Variants in NMNAT3 observed in about 807,000 individuals in gnomAD.
The protein encoded by NMNAT3 is nicotinamide/nicotinic acid mononucleotide adenylyltransferase 3.
A neutral mutation model predicts 24.8 loss-of-function variants in NMNAT3; 21 were observed. The observed-to-expected ratio is 0.85, with a 90% CI of 0.60 to 1.22. The LOEUF (loss-of-function observed/expected upper bound fraction) is 1.22. Ranked by LOEUF, NMNAT3 falls within the 50% of genes most tolerant of loss-of-function variation. The pLI, the probability that NMNAT3 is intolerant of heterozygous loss-of-function variation, is 0.00. For synonymous variants in NMNAT3, 136 were observed against 155.2 expected, an observed-to-expected ratio of 0.88 and a Z score of 0.92; for missense variants, 387 against 436.6, an observed-to-expected ratio of 0.89 and a Z score of 1.01.
chr3:139,622,804 T>A (rs2055856035), intron 3 of NMNAT3, among the ~76,000 whole-genome samples: 1 of 142,676 alleles, frequency 7.0e-6, no homozygotes, highest in Admixed American at 7.3e-5. Flanking sequence ...ATATATGATA[T>A]ATATATAAAA....
intron 3 of NMNAT3, among the ~76,000 whole-genome samples, chr3:139,615,081 C>G (rs72973979): frequency 0.034 from 5,245 of 152,120 alleles, 290 homozygotes; most frequent in African/African-American, 0.12. Context: ...GTTATAATCC[C>G]TTATTATTTG....
intron 3 of NMNAT3, among the ~76,000 whole-genome samples, chr3:139,614,852 A>T (rs953412357): frequency 1.3e-5 from 2 of 152,206 alleles, no homozygotes; most frequent in African/African-American, 4.8e-5. Context: ...TGTTATTTCA[A>T]CCTGCTAGTA....
chr3:139,616,659 C>A (rs1056137799), intron 3 of NMNAT3, among the ~76,000 whole-genome samples: 1 of 152,084 alleles, frequency 6.6e-6, no homozygotes. Context: ...TCAATTTTAC[C>A]TTCTAATTAT....
intron 1 of NMNAT3, among the ~76,000 whole-genome samples, chr3:139,668,152 A>G (rs1391716196): frequency 1.3e-5 from 2 of 152,192 alleles, no homozygotes; most frequent in Non-Finnish European, 2.9e-5. Flanking sequence ...AGAGAAGTCA[A>G]AGAAGAAACA....
At chr3:139,585,374 ACTTT>A (rs1262454149) in intron 3 of NMNAT3, among the ~76,000 whole-genome samples, 1 of 152,016 alleles carries the variant, frequency 6.6e-6, no homozygotes, top group Non-Finnish European at 1.5e-5. Context: ...AAATCTGGTG[ACTTT>A]CTATAGTTTC....
chr3:139,588,662 C>T (rs561371293), intron 3 of NMNAT3, among the ~76,000 whole-genome samples: 101 of 152,178 alleles, frequency 6.6e-4, no homozygotes, highest in African/African-American at 2.4e-3. Flanking sequence ...ACAGGAGGGC[C>T]AGTTGAGAGT....
intron 3 of NMNAT3, among the ~76,000 whole-genome samples, chr3:139,592,006 C>T (rs970415044): frequency 6.6e-6 from 1 of 152,106 alleles, no homozygotes; most frequent in African/African-American, 2.4e-5. Flanking sequence ...AGGCTTCAGA[C>T]AATCAAATTA....
At chr3:139,638,331 C>A (rs1484715746) in intron 1 of NMNAT3, among the ~76,000 whole-genome samples, 1 of 152,184 alleles carries the variant, frequency 6.6e-6, no homozygotes, top group African/African-American at 2.4e-5. Flanking sequence ...TTTGATTCCT[C>A]TATTCTCTCC....
At chr3:139,632,226 A>G (rs2056329359) in intron 2 of NMNAT3, among the ~76,000 whole-genome samples, 1 of 152,128 alleles carries the variant, frequency 6.6e-6, no homozygotes, top group Non-Finnish European at 1.5e-5. Flanking sequence ...TGTCCCAGTC[A>G]ATGGAATGAG....
intron 2 of NMNAT3, among the ~76,000 whole-genome samples, chr3:139,633,648 A>AT (rs1480731651): frequency 6.6e-6 from 1 of 152,128 alleles, no homozygotes; most frequent in Non-Finnish European, 1.5e-5. Flanking sequence ...AAGATAGTGA[A>AT]TACTGTGTCA....
chr3:139,587,080 C>T (rs1440297416), intron 3 of NMNAT3, among the ~76,000 whole-genome samples: 1 of 152,172 alleles, frequency 6.6e-6, no homozygotes, highest in African/African-American at 2.4e-5. Flanking sequence ...TCTGGAAGAC[C>T]ACCTTGCATT....
At chr3:139,592,991 G>A (rs2054271098) in intron 3 of NMNAT3, among the ~76,000 whole-genome samples, 1 of 152,112 alleles carries the variant, frequency 6.6e-6, no homozygotes, top group Non-Finnish European at 1.5e-5. Context: ...AATGTAAATG[G>A]ACTAAATGCT....
At chr3:139,615,974 A>G (rs540708395) in intron 3 of NMNAT3, among the ~76,000 whole-genome samples, 1 of 152,206 alleles carries the variant, frequency 6.6e-6, no homozygotes, top group African/African-American at 2.4e-5. Context: ...ATGACAAATA[A>G]TCTCTCCTTG....
chr3:139,646,630 A>G (rs1473420388), intron 1 of NMNAT3, among the ~76,000 whole-genome samples: 1 of 152,220 alleles, frequency 6.6e-6, no homozygotes, highest in Non-Finnish European at 1.5e-5. Context: ...CAATGGCCAA[A>G]GGGAGTTCTG....
chr3:139,660,191 G>A (rs948937819), intron 1 of NMNAT3, among the ~76,000 whole-genome samples: 5 of 152,138 alleles, frequency 3.3e-5, no homozygotes, highest in African/African-American at 1.2e-4. Context: ...GGTGCCAAGC[G>A]GTGAGCAGCT....
At chr3:139,661,950 A>AT (rs537044128) in intron 1 of NMNAT3, among the ~76,000 whole-genome samples, 9 of 150,040 alleles carry the variant, frequency 6.0e-5, no homozygotes, top group East Asian at 3.9e-4. Flanking sequence ...ACATCAGTGT[A>AT]TTTTTTTTTT....
chr3:139,593,973 G>A (rs573742658), intron 3 of NMNAT3, among the ~76,000 whole-genome samples: 1 of 150,958 alleles, frequency 6.6e-6, no homozygotes, highest in East Asian at 1.9e-4. Context: ...GAGCAGAACT[G>A]AAGGAAATAG....
intron 5 of NMNAT3, chr3:139,577,967 G>C (rs1342040551): frequency 6.6e-6 from 1 of 152,186 alleles, no homozygotes; most frequent in Non-Finnish European, 1.5e-5. Context: ...AACACATTAT[G>C]AACAGGCCTG....
intron 2 of NMNAT3, among the ~76,000 whole-genome samples, chr3:139,630,813 G>A (rs1398149411): frequency 6.6e-6 from 1 of 152,158 alleles, no homozygotes; most frequent in African/African-American, 2.4e-5. Context: ...ATGGTTTAAT[G>A]AGATATTTGC....
Sources: gnomAD v4.1 joint callset for allele counts (sites outside exome capture counted in the v4.1 genomes callset) on GRCh38, gnomAD v4.1.1 for gene constraint, MANE v1.5 for transcripts, NCBI Gene and HGNC (gene_info 2026-07-23, HGNC 2026-07-21) for gene names.